The following CEP112 variants were observed in gnomAD, a reference collection of about 807,000 sequenced individuals.
The protein encoded by CEP112 is centrosomal protein of 112 kDa.
In CEP112, 127 loss-of-function variants were observed where a neutral mutation model predicts 153.0. The ratio of observed to expected loss-of-function variants is 0.83; its 90% CI spans 0.72 to 0.96. CEP112 has a LOEUF of 0.96. CEP112 is among the 40% of genes least tolerant of loss of function. The probability of loss-of-function intolerance (pLI) is 0.00; values close to 1 mark genes in which losing one functional copy is unlikely to be tolerated. For synonymous variants in CEP112, 358 were observed against 374.4 expected, an observed-to-expected ratio of 0.96 and a Z score of 0.51; for missense variants, 1,089 against 1,101.2, an observed-to-expected ratio of 0.99 and a Z score of 0.16.
At chr17:65,947,941 T>C (rs1323956012) in intron 18 of CEP112, among the ~76,000 whole-genome samples, 1 of 152,156 alleles carries the variant, frequency 6.6e-6, no homozygotes, top group Non-Finnish European at 1.5e-5. Flanking sequence ...AAAAGGACAA[T>C]GAGACAAAGG....
At chr17:65,953,800 C>G (rs1449970486) in intron 18 of CEP112, among the ~76,000 whole-genome samples, 2 of 152,184 alleles carry the variant, frequency 1.3e-5, no homozygotes, top group Non-Finnish European at 2.9e-5. Context: ...CAGTAACAGC[C>G]AGCCCCACAC....
chr17:66,094,395 A>G (rs1386945506), intron 8 of CEP112, among the ~76,000 whole-genome samples: 2 of 152,154 alleles, frequency 1.3e-5, no homozygotes, highest in African/African-American at 4.8e-5. Flanking sequence ...CCAAGAACAC[A>G]CAATGGGGAA....
rs34940568 is a variant in CEP112, at chr17:65,688,773, GTT to G, written c.2697+354_2697+355del. 1.8e-3 allele frequency: 292 copies of G among 160,962 alleles called. 1 individual carries two copies. Among genetic ancestry groups the G allele is most frequent in the African/African-American group, 6.2e-3 (256 of 41,066 alleles). The allele number at this position is 160,962 out of a possible 1,614,324, so 10.0% of individuals were successfully genotyped here. On this transcript the variant is annotated intron_variant, in intron 24 of 26. Transcript: ENST00000535342. The stretch of plus-strand genomic sequence containing the variant: ...ACTGAAACAGGCAATGTGTAAACTT[GTT>G]TTTTTTTTTGAGACGGAGTTTTGTT...
chr17:65,937,145 T>G (rs1206595341), intron 18 of CEP112, among the ~76,000 whole-genome samples: 1 of 148,624 alleles, frequency 6.7e-6, no homozygotes, highest in Non-Finnish European at 1.5e-5. Context: ...TGGAGTGCAG[T>G]GGCATGATCT....
At chr17:65,910,037 C>G (rs893201885) in intron 19 of CEP112, among the ~76,000 whole-genome samples, 2 of 152,104 alleles carry the variant, frequency 1.3e-5, no homozygotes, top group Non-Finnish European at 2.9e-5. Flanking sequence ...TGGACTGATT[C>G]TCTCTGATAG....
chr17:66,127,503 T>C (rs2069902401), intron 6 of CEP112, among the ~76,000 whole-genome samples: 2 of 150,148 alleles, frequency 1.3e-5, no homozygotes, highest in African/African-American at 4.9e-5. Context: ...ACTTCTCTCC[T>C]TCTCTAGAAA....
chr17:65,856,374 T>C (rs62065094), intron 20 of CEP112, among the ~76,000 whole-genome samples: 2 of 151,930 alleles, frequency 1.3e-5, no homozygotes, highest in Non-Finnish European at 2.9e-5. Flanking sequence ...AAAAATAGAA[T>C]TGGAAAGATT....
intron 12 of CEP112, among the ~76,000 whole-genome samples, chr17:66,044,941 C>T (rs12452671): frequency 0.41 from 62,469 of 151,252 alleles, 14,317 homozygotes; most frequent in East Asian, 0.87. Flanking sequence ...TCCTATAAAT[C>T]AAGGAAAAGA....
At chr17:66,186,082 C>G (rs1336640065) in intron 1 of CEP112, among the ~76,000 whole-genome samples, 1 of 151,932 alleles carries the variant, frequency 6.6e-6, no homozygotes, top group African/African-American at 2.4e-5. Context: ...TGTAGTCTTT[C>G]ACTTTCTCCA....
intron 23 of CEP112, among the ~76,000 whole-genome samples, chr17:65,691,404 A>T (rs1188311770): frequency 6.6e-6 from 1 of 152,190 alleles, no homozygotes; most frequent in Non-Finnish European, 1.5e-5. Flanking sequence ...AGAAAGAGAA[A>T]AACCATAGTT....
chr17:65,975,854 T>C (rs2081971244), intron 17 of CEP112, among the ~76,000 whole-genome samples: 2 of 152,114 alleles, frequency 1.3e-5, no homozygotes, highest in South Asian at 4.1e-4. Context: ...AAAAGAAAGG[T>C]GATTATCTCC....
chr17:65,814,219 A>G (rs2056140723), intron 21 of CEP112, among the ~76,000 whole-genome samples: 1 of 152,164 alleles, frequency 6.6e-6, no homozygotes, highest in African/African-American at 2.4e-5. Flanking sequence ...CTCTTGTGGA[A>G]TGTGTGTCTA....
rs1028401123 is a variant in CEP112 at position 66,022,786 on chromosome 17, G to T, written c.1656+4715C>A. ...TTTAAAGAGATTCAATGAGATAAAA[G>T]ATATTCTGAAAACCAGCACAAAGAC... On this transcript the variant is annotated intron_variant, in intron 16 of 26. Transcript: ENST00000535342. Among the ~76,000 whole-genome samples, 18 of 148,164 alleles carry T rather than the reference G, an allele frequency of 1.2e-4. 1 individual carries two copies. The highest frequency in any genetic ancestry group is 4.2e-4 in the African/African-American group (17 of 40,384).
intron 4 of CEP112, among the ~76,000 whole-genome samples, chr17:66,160,684 T>G (rs901530393): frequency 6.6e-6 from 1 of 152,020 alleles, no homozygotes; most frequent in African/African-American, 2.4e-5. Flanking sequence ...ATACAAAAAT[T>G]AACTCAAGAA....
intron 21 of CEP112, among the ~76,000 whole-genome samples, chr17:65,772,364 T>C (rs986042536): frequency 3.4e-4 from 52 of 152,092 alleles, no homozygotes; most frequent in African/African-American, 1.2e-3. Flanking sequence ...GATGTATAGA[T>C]CTGAAAAAGA....
At chr17:65,640,049 G>A (rs2045026817) in intron 25 of CEP112, among the ~76,000 whole-genome samples, 1 of 149,302 alleles carries the variant, frequency 6.7e-6, no homozygotes, top group African/African-American at 2.5e-5. Context: ...CGTTGGCCAG[G>A]CTGGTCTCAA....
rs1491455034 is a variant in CEP112, at chr17:65,951,736, T to TC, written c.1872+9726_1872+9727insG. On this transcript the variant is annotated intron_variant, in intron 18 of 26. Transcript: ENST00000535342. ...TCAATCTTAGCTTTCTGCTCTAATC[T>TC]TCCCCCGCCCCCCCCTTTCTTCCAC... Among the ~76,000 whole-genome samples the TC allele has an allele frequency of 1.5e-3, 148 of 96,254 alleles. 6 individuals are homozygous for TC. In the South Asian group the frequency reaches 0.034, roughly 22 times the overall value. The allele number at this position is 96,254 out of a possible 152,430, so 63.1% of individuals were successfully genotyped here.
chr17:65,948,569 TATG>T (rs2061716592), intron 18 of CEP112, among the ~76,000 whole-genome samples: 1 of 125,838 alleles, frequency 7.9e-6, no homozygotes, highest in Non-Finnish European at 1.7e-5. Context: ...CTTTGAAAAA[TATG>T]ATTTTATATA....
intron 24 of CEP112, among the ~76,000 whole-genome samples, chr17:65,682,186 G>A (rs1336077309): frequency 6.6e-6 from 1 of 151,430 alleles, no homozygotes; most frequent in Non-Finnish European, 1.5e-5. Flanking sequence ...TAGAGACAGG[G>A]TTTCAACATC....
Sources: gnomAD v4.1 joint callset for allele counts (sites outside exome capture counted in the v4.1 genomes callset) on GRCh38, gnomAD v4.1.1 for gene constraint, MANE v1.5 for transcripts, NCBI Gene and HGNC (gene_info 2026-07-23, HGNC 2026-07-21) for gene names.